Variants in CRPPA observed in about 807,000 individuals in gnomAD.
CRPPA encodes the protein CDP-L-ribitol pyrophosphorylase A.
A neutral mutation model predicts 52.0 loss-of-function variants in CRPPA; 43 were observed. That is an observed-to-expected ratio of 0.83 (90% confidence interval 0.65 to 1.07). The LOEUF (loss-of-function observed/expected upper bound fraction) is 1.07. CRPPA is among the 50% of genes least tolerant of loss of function. CRPPA has a pLI of 0.00. For missense variants in CRPPA, 629 were observed against 551.7 expected, an observed-to-expected ratio of 1.14 and a Z score of -1.40; for synonymous variants, 250 against 203.5, an observed-to-expected ratio of 1.23 and a Z score of -1.94.
At chr7:16,333,101 A>G (rs879879085) in intron 3 of CRPPA, among the ~76,000 whole-genome samples, 1 of 152,228 alleles carries the variant, frequency 6.6e-6, no homozygotes, top group Non-Finnish European at 1.5e-5. Context: ...ACCTAACAAG[A>G]GAGGGTGAAA....
intron 6 of CRPPA, among the ~76,000 whole-genome samples, chr7:16,268,627 A>G (rs749898219): frequency 4.6e-5 from 7 of 152,172 alleles, no homozygotes; most frequent in Admixed American, 1.3e-4. Context: ...TTGAACAAAA[A>G]CTCGATCATG....
intron 8 of CRPPA, among the ~76,000 whole-genome samples, chr7:16,257,164 A>C (rs1783666656): frequency 6.6e-6 from 1 of 152,138 alleles, no homozygotes; most frequent in Admixed American, 6.6e-5. Flanking sequence ...ACCAAACCTC[A>C]GAACAATTAA....
chr7:16,354,151 CAATTT>C (rs1786235961), intron 3 of CRPPA, among the ~76,000 whole-genome samples: 2 of 152,036 alleles, frequency 1.3e-5, no homozygotes, highest in African/African-American at 4.8e-5. Flanking sequence ...TGTAAGGACA[CAATTT>C]GATTGTGACA....
chr7:16,381,916 GTGCAC>G (rs1331289495), intron 2 of CRPPA, among the ~76,000 whole-genome samples: 2 of 152,124 alleles, frequency 1.3e-5, no homozygotes, highest in African/African-American at 4.8e-5. Context: ...CCTGAATACA[GTGCAC>G]TGATGGGTCT....
chr7:16,376,293 T>A lies in CRPPA; in HGVS notation c.535-52A>T, dbSNP rs140621862. On this transcript the variant is annotated intron_variant, in intron 2 of 9. Transcript: ENST00000407010. ...ATTTCACCTACAAGCCATTTTAAAG[T>A]GAAATTCTGAATTCAGTATCTCACT... 123 of 1,528,950 alleles carry A rather than the reference T, an allele frequency of 8.0e-5. 2 individuals carry two copies. The East Asian group carries it at 2.8e-3, about 35-fold the overall frequency. The allele number at this position is 1,528,950 out of a possible 1,614,324, so 94.7% of individuals were successfully genotyped here.
chr7:16,263,960 A>G (rs1037048189), intron 6 of CRPPA, among the ~76,000 whole-genome samples: 17 of 152,156 alleles, frequency 1.1e-4, no homozygotes, highest in Non-Finnish European at 2.4e-4. Flanking sequence ...AAATATTAGT[A>G]TTTTTGTACT....
chr7:16,392,430 C>T (rs1005684661), intron 2 of CRPPA, among the ~76,000 whole-genome samples: 29 of 152,236 alleles, frequency 1.9e-4, no homozygotes, highest in African/African-American at 6.7e-4. Context: ...CACACAGCTA[C>T]CTAGTTCATA....
At chr7:16,263,329 T>A (rs989124350) in intron 6 of CRPPA, among the ~76,000 whole-genome samples, 9 of 152,194 alleles carry the variant, frequency 5.9e-5, no homozygotes, top group Admixed American at 5.2e-4. Context: ...TTCTCTATTG[T>A]CACAAATACT....
chr7:16,362,082 C>G (rs1345244584), intron 3 of CRPPA, among the ~76,000 whole-genome samples: 2 of 152,170 alleles, frequency 1.3e-5, no homozygotes, highest in Non-Finnish European at 2.9e-5. Flanking sequence ...TCTCGATCTC[C>G]TGACCTCGTG....
intron 9 of CRPPA, among the ~76,000 whole-genome samples, chr7:16,120,558 A>C (rs1281376973): frequency 1.3e-5 from 2 of 152,170 alleles, no homozygotes; most frequent in African/African-American, 2.4e-5. Context: ...GAATGATAGA[A>C]AAAGCTATAA....
At chr7:16,252,137 G>C (rs569341262) in intron 8 of CRPPA, among the ~76,000 whole-genome samples, 1 of 151,994 alleles carries the variant, frequency 6.6e-6, no homozygotes, top group Non-Finnish European at 1.5e-5. Flanking sequence ...GTTGAACATC[G>C]ATGTGAAAAT....
chr7:16,237,369 T>C (rs1019266186), intron 8 of CRPPA: 1 of 152,116 alleles, frequency 6.6e-6, no homozygotes, highest in Non-Finnish European at 1.5e-5. Flanking sequence ...ATGAGGGCCG[T>C]CTTCCAGCTT....
intron 3 of CRPPA, among the ~76,000 whole-genome samples, chr7:16,314,525 T>G (rs983178884): frequency 1.1e-3 from 160 of 152,234 alleles, no homozygotes; most frequent in African/African-American, 3.7e-3. Flanking sequence ...AAGTTTTTCC[T>G]TTATGTAGAT....
At chr7:16,102,297 A>C (rs1328599013) in intron 9 of CRPPA, among the ~76,000 whole-genome samples, 2 of 152,314 alleles carry the variant, frequency 1.3e-5, no homozygotes, top group East Asian at 3.9e-4. Flanking sequence ...ACCTTATACA[A>C]AAATTAACTC....
At chr7:16,176,200 G>A (rs1473116120) in intron 9 of CRPPA, among the ~76,000 whole-genome samples, 2 of 152,040 alleles carry the variant, frequency 1.3e-5, no homozygotes, top group Non-Finnish European at 2.9e-5. Flanking sequence ...ATCTTCTTCA[G>A]TAATAAAAAT....
At chr7:16,255,236 A>C (rs1403262147) in intron 8 of CRPPA, among the ~76,000 whole-genome samples, 1 of 152,110 alleles carries the variant, frequency 6.6e-6, no homozygotes, top group Non-Finnish European at 1.5e-5. Flanking sequence ...ACTTTCAAGG[A>C]ATGTGAAAGA....
At chr7:16,393,913 A>G (rs1389801187) in intron 2 of CRPPA, among the ~76,000 whole-genome samples, 1 of 152,266 alleles carries the variant, frequency 6.6e-6, no homozygotes, top group East Asian at 1.9e-4. Flanking sequence ...TTCAATAAGA[A>G]TATTTAAAGC....
At chr7:16,230,205 T>G (rs185426586) in intron 8 of CRPPA, among the ~76,000 whole-genome samples, 32 of 152,324 alleles carry the variant, frequency 2.1e-4, no homozygotes, top group Admixed American at 2.1e-3. Context: ...AAACAATTGT[T>G]ACTATTTAAG....
In CRPPA at chr7:16,216,173, CTAAT is replaced by C; in HGVS notation, c.1140_1143del (p.Leu381TyrfsTer10). 1 of 1,581,960 alleles carries C rather than the reference CTAAT, an allele frequency of 6.3e-7. No individual in the cohort carries two copies. ...TTTTCCATTTTCTGACTGGGAGGTA[CTAAT>C]TTAAAATCAAGAAAATGAACCTGCA... On this transcript the variant is annotated frameshift_variant, in exon 9 of 10. Transcript: ENST00000407010. LOFTEE classifies it high-confidence loss of function.
Sources: allele counts gnomAD v4.1 joint callset (sites outside exome capture counted in the v4.1 genomes callset), GRCh38; gene constraint gnomAD v4.1.1; transcripts MANE v1.5; gene names NCBI Gene and HGNC (gene_info 2026-07-23, HGNC 2026-07-21).